The following TTLL11 variants were observed in gnomAD, a reference collection of about 807,000 sequenced individuals.
TTLL11 encodes tubulin polyglutamylase TTLL11.
TTLL11 carries 42 observed loss-of-function variants against 51.7 expected under a neutral mutation model. That is an observed-to-expected ratio of 0.81 (90% CI 0.64 to 1.05). TTLL11 has a LOEUF of 1.05. TTLL11 is among the 50% of genes least tolerant of loss of function. TTLL11 has a pLI of 0.00. For synonymous variants in TTLL11, 381 were observed against 383.5 expected (o/e 0.99, Z 0.08); for missense variants, 799 against 940.4 (o/e 0.85, Z 1.97).
At chr9:122,083,392 C>T (rs1846046803) in intron 1 of TTLL11, among the ~76,000 whole-genome samples, 1 of 152,194 alleles carries the variant, frequency 6.6e-6, no homozygotes, top group Non-Finnish European at 1.5e-5. Flanking sequence ...CCCTGCTCCC[C>T]AACCCCACCA....
chr9:121,879,890 G>A (rs1379968173), intron 6 of TTLL11, among the ~76,000 whole-genome samples: 4 of 152,012 alleles, frequency 2.6e-5, no homozygotes, highest in African/African-American at 7.3e-5. Flanking sequence ...GCTTGAACCC[G>A]GGAAACAAGT....
At chr9:121,929,609 C>T (rs532013444) in intron 6 of TTLL11, among the ~76,000 whole-genome samples, 53 of 152,246 alleles carry the variant, frequency 3.5e-4, no homozygotes, top group Middle Eastern at 6.8e-3. Flanking sequence ...ACAAGTCATT[C>T]ATTTGTTCCT....
At chr9:121,990,067 A>T (rs1002224866) in intron 3 of TTLL11, among the ~76,000 whole-genome samples, 2 of 152,258 alleles carry the variant, frequency 1.3e-5, no homozygotes, top group Non-Finnish European at 2.9e-5. Flanking sequence ...TGAACAGGTC[A>T]TATAACTAAT....
chr9:121,855,391 T>G (rs1001152556), intron 8 of TTLL11, among the ~76,000 whole-genome samples: 2 of 152,206 alleles, frequency 1.3e-5, no homozygotes, highest in Admixed American at 6.5e-5. Context: ...TTCTCACTAG[T>G]TTTTATTTTT....
rs541428867 is a variant in TTLL11 at position 121,904,422 on chromosome 9, G to A, written c.1482-33674C>T. Among the ~76,000 whole-genome samples the A allele has an allele frequency of 5.9e-5, 9 of 152,244 alleles. No individual in the cohort carries two copies. In the South Asian group the frequency reaches 1.7e-3, roughly 28 times the overall value. On this transcript the variant is annotated intron_variant, in intron 6 of 8. Transcript: ENST00000321582. ...AATCTCTTGACCTCGTGATCTGCCC[G>A]CCTCGGCCTCCAAAAGTGCTGGGAT... is the stretch of plus-strand genomic sequence containing the variant.
intron 6 of TTLL11, among the ~76,000 whole-genome samples, chr9:121,883,193 TCCAC>T (rs767749899): frequency 3.3e-5 from 5 of 152,152 alleles, no homozygotes; most frequent in South Asian, 2.1e-4. Flanking sequence ...TCATTCTGGT[TCCAC>T]CCCTTACCAA....
intron 8 of TTLL11, among the ~76,000 whole-genome samples, chr9:121,848,545 G>T (rs7024808): frequency 6.6e-6 from 1 of 152,162 alleles, no homozygotes; most frequent in Non-Finnish European, 1.5e-5. Flanking sequence ...AATGACTATA[G>T]TATGTTTGAA....
At chr9:122,046,724 T>A (rs889281052) in intron 1 of TTLL11, among the ~76,000 whole-genome samples, 2 of 152,090 alleles carry the variant, frequency 1.3e-5, no homozygotes, top group Non-Finnish European at 2.9e-5. Flanking sequence ...GACCTGAGAG[T>A]CCTAGACTTG....
chr9:122,033,638 A>T (rs1844622307), intron 2 of TTLL11, among the ~76,000 whole-genome samples: 1 of 152,214 alleles, frequency 6.6e-6, no homozygotes, highest in East Asian at 1.9e-4. Flanking sequence ...TCCCACGTTC[A>T]GAAAGAAAAG....
intron 1 of TTLL11, among the ~76,000 whole-genome samples, chr9:122,059,257 T>A (rs189131915): frequency 6.6e-6 from 1 of 152,346 alleles, no homozygotes; most frequent in East Asian, 1.9e-4. Flanking sequence ...TGCTAGCTAC[T>A]GAGCTAAGTG....
intron 8 of TTLL11, among the ~76,000 whole-genome samples, chr9:121,841,881 C>T (rs75087929): frequency 0.025 from 3,875 of 152,008 alleles, 103 homozygotes; most frequent in African/African-American, 0.072. Flanking sequence ...CAGATGTCCC[C>T]CTGGGAGTTA....
chr9:122,032,257 A>G (rs1218568111), intron 2 of TTLL11, among the ~76,000 whole-genome samples: 1 of 152,114 alleles, frequency 6.6e-6, no homozygotes, highest in East Asian at 1.9e-4. Context: ...CTTGTACCCT[A>G]GAGAATATCA....
At chr9:121,864,944 A>C (rs1588079480) in intron 7 of TTLL11, among the ~76,000 whole-genome samples, 1 of 152,216 alleles carries the variant, frequency 6.6e-6, no homozygotes, top group African/African-American at 2.4e-5. Flanking sequence ...TCTGTGCAGA[A>C]AAGAAGCTTT....
intron 3 of TTLL11, among the ~76,000 whole-genome samples, chr9:122,025,638 A>C (rs549777456): frequency 8.5e-5 from 13 of 152,250 alleles, no homozygotes; most frequent in African/African-American, 2.2e-4. Context: ...AAATAAATAG[A>C]CTGACCATTA....
intron 4 of TTLL11, among the ~76,000 whole-genome samples, chr9:121,978,433 G>A (rs138368664): frequency 2.8e-4 from 42 of 151,678 alleles, no homozygotes; most frequent in Middle Eastern, 3.4e-3. Flanking sequence ...ATAAACTGGG[G>A]TTCCCAAGGA....
intron 2 of TTLL11, among the ~76,000 whole-genome samples, chr9:122,035,316 G>A (rs373553119): frequency 3.2e-4 from 49 of 152,256 alleles, no homozygotes; most frequent in African/African-American, 1.1e-3. Flanking sequence ...TTCCCCTATC[G>A]ATTGGGAAAA....
chr9:121,894,748 G>A (rs12004540), intron 6 of TTLL11, among the ~76,000 whole-genome samples: 56,211 of 151,874 alleles, frequency 0.37, 10,523 homozygotes, highest in East Asian at 0.51. Flanking sequence ...AGGGCCTGTC[G>A]GGGGGTGGGG....
intron 6 of TTLL11, among the ~76,000 whole-genome samples, chr9:121,969,407 T>C (rs558580532): frequency 2.2e-4 from 33 of 152,132 alleles, no homozygotes; most frequent in African/African-American, 7.5e-4. Context: ...ACCAAGAAAC[T>C]GACCCTAGGC....
At chr9:121,949,586 A>G (rs4837919) in intron 6 of TTLL11, among the ~76,000 whole-genome samples, 34,180 of 152,024 alleles carry the variant, frequency 0.22, 4,362 homozygotes, top group Non-Finnish European at 0.3. Context: ...GCCTGGGGCC[A>G]CACAGTCAGT....
Sources: gnomAD v4.1 joint callset for allele counts (sites outside exome capture counted in the v4.1 genomes callset) on GRCh38, gnomAD v4.1.1 for gene constraint, MANE v1.5 for transcripts, NCBI Gene and HGNC (gene_info 2026-07-23, HGNC 2026-07-21) for gene names.